The following EIF3L variants were observed in gnomAD, a reference collection of about 807,000 sequenced individuals.
EIF3L encodes the protein eIEF associated protein HSPC021.
EIF3L carries 32 observed loss-of-function variants against 74.6 expected under a neutral mutation model. That is an observed-to-expected ratio of 0.43 (90% CI 0.32 to 0.58). The LOEUF (loss-of-function observed/expected upper bound fraction) is 0.58. EIF3L is among the 20% of genes least tolerant of loss of function. The probability of loss-of-function intolerance (pLI) is 0.06; values close to 1 mark genes in which losing one functional copy is unlikely to be tolerated. For synonymous variants in EIF3L, 256 were observed against 254.4 expected (o/e 1.01, Z -0.06); for missense variants, 474 against 707.8 (o/e 0.67, Z 3.75).
chr22:37,864,089 TCTCA>T (rs746404971), intron 7 of EIF3L, among the ~76,000 whole-genome samples: 1 of 149,736 alleles, frequency 6.7e-6, no homozygotes, highest in Non-Finnish European at 1.5e-5. Flanking sequence ...AGAGTCAGGG[TCTCA>T]CTCTGTTGCT....
At chr22:37,887,955 A>G (rs1927406847) in intron 12 of EIF3L, 1 of 155,820 alleles carries the variant, frequency 6.4e-6, no homozygotes, top group Non-Finnish European at 1.4e-5. Flanking sequence ...TGCTAGGGCT[A>G]CTGTGTCCTG....
intron 10 of EIF3L, 146 bp downstream of exon 10, chr22:37,876,157 C>A: frequency 1.2e-6 from 1 of 803,036 alleles, no homozygotes; most frequent in Non-Finnish European, 1.9e-6. Flanking sequence ...GTGATTGTGC[C>A]TACTAATAGA....
At chr22:37,864,577 T>A (rs1926043042) in intron 7 of EIF3L, among the ~76,000 whole-genome samples, 1 of 150,622 alleles carries the variant, frequency 6.6e-6, no homozygotes, top group Non-Finnish European at 1.5e-5. Flanking sequence ...CTGACTCTGT[T>A]ACCCAGGCTG....
In EIF3L at chr22:37,858,219, C is replaced by CTTTTTTTT. The variant is rs549425262; in HGVS notation, c.374-442_374-435dup. ...TCTGAAATTAATATTTTCTTTCTTCCTTTTTTTTTTTTTTTTTTTTTTTTT... is the reference window on the plus strand; with the variant it reads ...TCTGAAATTAATATTTTCTTTCTTCCTTTTTTTTTTTTTTTTTTTTTTTTTTTTTTTTT... On this transcript the variant is annotated intron_variant, in intron 4 of 12. Transcript: ENST00000652021. Among the ~76,000 whole-genome samples the CTTTTTTTT allele has an allele frequency of 2.0e-3, 168 of 85,078 alleles. 1 individual carries two copies. Among genetic ancestry groups the CTTTTTTTT allele is most frequent in the Middle Eastern group, 0.013 (1 of 80 alleles). The allele number at this position is 85,078 out of a possible 152,430, so 55.8% of individuals were successfully genotyped here.
At chr22:37,871,127 G>GA (rs796378154) in intron 8 of EIF3L, 47 of 144,326 alleles carry the variant, frequency 3.3e-4, no homozygotes, top group East Asian at 6.0e-4. Context: ...GAACTTGTCT[G>GA]AAAAAAAAAA....
At position 37,851,280 on chromosome 22, in the gene EIF3L, G is replaced by T; in HGVS notation, c.83G>T (p.Gly28Val). 6.2e-7 allele frequency: 1 copy of T among 1,613,670 alleles called. No homozygotes were observed. The highest frequency in any genetic ancestry group is 8.5e-7 in the Non-Finnish European group (1 of 1,179,658). The change falls in exon 3 of 13, where the codon GGA (glycine) becomes GTA (valine). Residue 28 changes from glycine (G) to valine (V), a missense_variant and splice_region_variant. By Grantham distance (109) the Gly-to-Val change is moderately radical (BLOSUM62 -3). Around this residue, in one of 4 missense-constraint regions of EIF3L, gnomAD observed 141 missense variants for 197.7 expected, o/e 0.71. Transcript: ENST00000652021. Reference protein sequence around the residue: ...AYPSDYDMHTGDPKQDLAYER... With the variant: ...AYPSDYDMHTVDPKQDLAYER... ...TGTATTTGTTGTATCCAACCTCCAG[G>T]AGATCCAAAGCAGGACCTTGCTTAT...
chr22:37,851,545 T>C (rs1925222929), intron 3 of EIF3L, 55 bp downstream of exon 3: 1 of 1,204,246 alleles, frequency 8.3e-7, no homozygotes, highest in Non-Finnish European at 1.1e-6. Context: ...CCTGGTAATA[T>C]AGTTCCTACA....
At chr22:37,854,415 G>A (rs961994919) in intron 3 of EIF3L, among the ~76,000 whole-genome samples, 1 of 152,138 alleles carries the variant, frequency 6.6e-6, no homozygotes, top group Non-Finnish European at 1.5e-5. Context: ...AAGTATCGGG[G>A]ACATAAAGGG....
At chr22:37,857,505 G>C (rs1004134253) in intron 4 of EIF3L, among the ~76,000 whole-genome samples, 1 of 147,656 alleles carries the variant, frequency 6.8e-6, no homozygotes, top group African/African-American at 2.5e-5. Flanking sequence ...CATTTGTTTT[G>C]TTATAGCTAA....
chr22:37,866,983 G>T (rs1360137170), intron 7 of EIF3L, among the ~76,000 whole-genome samples: 1 of 152,054 alleles, frequency 6.6e-6, no homozygotes, highest in Non-Finnish European at 1.5e-5. Flanking sequence ...CCCACCAATG[G>T]GCTGTATCAA....
In EIF3L at chr22:37,874,510, G is replaced by A. The variant is rs760820592; in HGVS notation, c.892G>A (p.Glu298Lys). 6 of 1,614,014 alleles carry A rather than the reference G, an allele frequency of 3.7e-6. No homozygotes were observed. Among genetic ancestry groups the A allele is most frequent in the Non-Finnish European group, 5.1e-6 (6 of 1,179,952 alleles). The stretch of plus-strand genomic sequence containing the variant: ...GGCCATCAAGGTGCTGGAGAACATC[G>A]AACTGAACAAGAAGGTGATGCCTAT... ...YQAIKVLENI[E>K]LNKKSMYSRV... The change falls in exon 9 of 13, where the codon GAA (glutamate) becomes AAA (lysine). Residue 298 changes from glutamate to lysine, a missense_variant. By Grantham distance (56) the Glu-to-Lys change is moderately conservative. Around this residue, in one of 4 missense-constraint regions of EIF3L, gnomAD observed 293 missense variants for 469.1 expected, o/e 0.62. Coordinates refer to ENST00000652021, the MANE Select transcript of EIF3L (RefSeq NM_016091.4).
At chr22:37,873,898 A>G (rs1926611394) in intron 8 of EIF3L, among the ~76,000 whole-genome samples, 1 of 152,198 alleles carries the variant, frequency 6.6e-6, no homozygotes, top group Non-Finnish European at 1.5e-5. Context: ...GCATGGCAAG[A>G]AGCAATGCAG....
intron 11 of EIF3L, chr22:37,881,512 G>A (rs142125712): frequency 0.014 from 2,156 of 152,306 alleles, 30 homozygotes; most frequent in South Asian, 0.032. Context: ...GGGTTCAGGC[G>A]ATTTTCCTGC....
intron 2 of EIF3L, among the ~76,000 whole-genome samples, 192 bp downstream of exon 2, chr22:37,850,255 TGGAAG>T (rs1925116007): frequency 1.3e-5 from 2 of 152,180 alleles, no homozygotes; most frequent in Non-Finnish European, 2.9e-5. Flanking sequence ...ACCTCAGTCT[TGGAAG>T]AGAAGGATTA....
rs2146007969 is a variant in EIF3L at position 37,851,355 on chromosome 22, A to G, written c.158A>G (p.Lys53Arg). Residue 53 changes from lysine (K) to arginine (R), a missense_variant, in exon 3 of 13, where the codon AAA becomes AGA. Lys to Arg is a conservative substitution (Grantham distance 26). This residue lies in a region of EIF3L where 141 missense variants were observed against 197.7 expected (regional missense o/e 0.71). Transcript: ENST00000652021. The part of the protein sequence containing the change: ...QTYQVIPEVI[K>R]NFIQYFHKTV... ...TATCAGGTGATCCCTGAGGTGATCA[A>G]AAACTTCATCCAGTATTTCCACAAA... 6.2e-7 allele frequency: 1 copy of G among 1,614,206 alleles called. No individual in the cohort carries two copies. Among genetic ancestry groups the G allele is most frequent in the Non-Finnish European group, 8.5e-7 (1 of 1,180,042 alleles).
intron 11 of EIF3L, chr22:37,880,614 C>G (rs1001290931): frequency 3.3e-5 from 5 of 152,166 alleles, no homozygotes; most frequent in African/African-American, 1.2e-4. Context: ...CCATGTTGCC[C>G]AGCCTGGTCT....
intron 11 of EIF3L, chr22:37,886,452 C>A: frequency 5.9e-6 from 1 of 169,342 alleles, no homozygotes; most frequent in Non-Finnish European, 1.3e-5. Context: ...GCCTGTAATC[C>A]CAGCTACTTG....
intron 1 of EIF3L, 35 bp from the exon 2 acceptor site, chr22:37,849,980 G>A: frequency 1.2e-6 from 2 of 1,613,042 alleles, no homozygotes; most frequent in Non-Finnish European, 1.7e-6. Flanking sequence ...TTCACGACTT[G>A]GCGGCTGTCC....
At position 37,850,322 on chromosome 22, in the gene EIF3L, T is replaced by TTTTTTG. The variant is rs542709505; in HGVS notation, c.82+284_82+289dup. ...AAACTATTAGCCAAATAAGAAAAGCTTTTTTGTTTTTGTTTTTGTTTTTGT... is the reference window on the plus strand; with the variant it reads ...AAACTATTAGCCAAATAAGAAAAGCTTTTTTGTTTTTGTTTTTGTTTTTGTTTTTGT... On this transcript the variant is annotated intron_variant, in intron 2 of 12. Transcript: ENST00000652021. 9.3e-3 allele frequency among the ~76,000 whole-genome samples: 1,418 copies of TTTTTTG among 152,168 alleles called. 15 individuals are homozygous for TTTTTTG. Among genetic ancestry groups the TTTTTTG allele is most frequent in the African/African-American group, 0.028 (1,178 of 41,494 alleles).
Sources: allele counts gnomAD v4.1 joint callset (sites outside exome capture counted in the v4.1 genomes callset), GRCh38; gene constraint gnomAD v4.1.1; regional missense constraint gnomAD v4.1.1; transcripts MANE v1.5; gene names NCBI Gene and HGNC (gene_info 2026-07-23, HGNC 2026-07-21).